PTK2: variants seen among roughly 807,000 people sequenced by gnomAD.
PTK2 encodes focal adhesion kinase 1.
PTK2 carries 45 observed loss-of-function variants against 150.1 expected under a neutral mutation model. The ratio of observed to expected loss-of-function variants is 0.30; its 90% CI spans 0.24 to 0.38. The LOEUF (loss-of-function observed/expected upper bound fraction) is 0.38, where lower values mean the gene tolerates loss of function less well. Ranked by LOEUF, PTK2 falls within the 10% of genes least tolerant of loss-of-function variation. PTK2 has a pLI of 1.00. For synonymous variants in PTK2, 432 were observed against 449.2 expected (o/e 0.96, Z 0.48); for missense variants, 919 against 1,307.3 (o/e 0.70, Z 4.58).
chr8:140,975,684 A>G (rs540388779), intron 1 of PTK2, among the ~76,000 whole-genome samples: 5 of 152,268 alleles, frequency 3.3e-5, no homozygotes, highest in Non-Finnish European at 5.9e-5. Context: ...CGAAGGCTGA[A>G]GTTTCTACTC....
At chr8:140,963,578 C>G (rs940244761) in intron 1 of PTK2, among the ~76,000 whole-genome samples, 14 of 152,170 alleles carry the variant, frequency 9.2e-5, no homozygotes, top group Admixed American at 7.2e-4. Context: ...ATTACAGTGC[C>G]CCCTTCAATT....
At chr8:140,812,448 C>T (rs577449519) in intron 10 of PTK2, among the ~76,000 whole-genome samples, 2 of 152,070 alleles carry the variant, frequency 1.3e-5, no homozygotes, top group South Asian at 4.2e-4. Context: ...CACAAAAACA[C>T]AGACCAGTGA....
intron 7 of PTK2, among the ~76,000 whole-genome samples, chr8:140,835,468 G>A (rs960697051): frequency 6.6e-6 from 1 of 152,136 alleles, no homozygotes; most frequent in Non-Finnish European, 1.5e-5. Context: ...TCAGAATTGA[G>A]TATATTTAAT....
intron 1 of PTK2, among the ~76,000 whole-genome samples, chr8:140,926,507 T>C (rs1472131049): frequency 2.6e-5 from 4 of 152,128 alleles, no homozygotes; most frequent in African/African-American, 9.7e-5. Context: ...GCAAAGAATA[T>C]GGGACAAATA....
intron 29 of PTK2, chr8:140,672,088 T>G: frequency 2.3e-6 from 1 of 437,266 alleles, no homozygotes; most frequent in African/African-American, 2.0e-5. Context: ...AATTCTAAGG[T>G]GGTACCGATC....
At chr8:140,984,843 G>A (rs932153771) in intron 1 of PTK2, among the ~76,000 whole-genome samples, 3 of 151,950 alleles carry the variant, frequency 2.0e-5, no homozygotes, top group African/African-American at 7.3e-5. Flanking sequence ...AGACAATAAG[G>A]GAATGACTCC....
At chr8:140,815,119 G>A (rs2100103936) in intron 10 of PTK2, among the ~76,000 whole-genome samples, 1 of 151,822 alleles carries the variant, frequency 6.6e-6, no homozygotes, top group African/African-American at 2.4e-5. Flanking sequence ...GTCTAATGCA[G>A]CACTATTCAC....
intron 25 of PTK2, among the ~76,000 whole-genome samples, chr8:140,702,305 G>A (rs962371674): frequency 2.0e-5 from 3 of 146,632 alleles, no homozygotes; most frequent in Non-Finnish European, 4.5e-5. Context: ...CTGCAGTCTC[G>A]ACTTCCTAGG....
At chr8:140,975,173 ACAG>A (rs1325634780) in intron 1 of PTK2, among the ~76,000 whole-genome samples, 1 of 152,200 alleles carries the variant, frequency 6.6e-6, no homozygotes, top group East Asian at 1.9e-4. Context: ...TTACTAAATA[ACAG>A]CAGGTGAGCC....
At chr8:140,761,396 A>C (rs1363149714) in intron 15 of PTK2, 134 bp from the exon 19 acceptor site, 1 of 766,886 alleles carries the variant, frequency 1.3e-6, no homozygotes, top group Non-Finnish European at 2.3e-6. Flanking sequence ...TGCTTTAAAC[A>C]CAGTGGAATT....
intron 7 of PTK2, among the ~76,000 whole-genome samples, chr8:140,836,474 T>C (rs1354938942): frequency 6.6e-6 from 1 of 152,212 alleles, no homozygotes; most frequent in African/African-American, 2.4e-5. Context: ...GTAGCCCCAA[T>C]GACTGAGAAA....
intron 28 of PTK2, among the ~76,000 whole-genome samples, chr8:140,674,859 C>T (rs1443358888): frequency 6.7e-6 from 1 of 148,426 alleles, no homozygotes; most frequent in Admixed American, 6.8e-5. Context: ...CCAGCCTGGG[C>T]AACACGATGA....
chr8:140,871,551 T>C (rs1439589284), intron 4 of PTK2, among the ~76,000 whole-genome samples: 1 of 152,216 alleles, frequency 6.6e-6, no homozygotes, highest in Non-Finnish European at 1.5e-5. Context: ...GTAATCTCAG[T>C]ACTTTAGGAG....
At chr8:140,998,427 C>G (rs990920292) in intron 1 of PTK2, among the ~76,000 whole-genome samples, 3 of 152,020 alleles carry the variant, frequency 2.0e-5, no homozygotes, top group Non-Finnish European at 4.4e-5. Flanking sequence ...CAGGAAAGGA[C>G]AGTTTTCAAA....
chr8:140,744,602 G>T, intron 19 of PTK2, 50 bp downstream of exon 22: 1 of 1,246,558 alleles, frequency 8.0e-7, no homozygotes, highest in Non-Finnish European at 1.1e-6. Context: ...CCTGTTTCTT[G>T]ATCACTACTT....
intron 14 of PTK2, among the ~76,000 whole-genome samples, chr8:140,765,928 C>G (rs562953818): frequency 1.3e-5 from 2 of 152,178 alleles, no homozygotes; most frequent in South Asian, 2.1e-4. Flanking sequence ...TAGTTTAACA[C>G]GCTCAACTTT....
At chr8:140,792,199 A>C (rs1377705074) in intron 13 of PTK2, among the ~76,000 whole-genome samples, 1 of 152,212 alleles carries the variant, frequency 6.6e-6, no homozygotes, top group Non-Finnish European at 1.5e-5. Flanking sequence ...CTATGCCTAA[A>C]ATGTTTGTAC....
chr8:140,689,372 A>G (rs2100021807), intron 26 of PTK2, among the ~76,000 whole-genome samples: 1 of 152,250 alleles, frequency 6.6e-6, no homozygotes. Context: ...TACTCAATGT[A>G]AATATCAAGG....
At chr8:140,955,643 G>A (rs1408654818) in intron 1 of PTK2, among the ~76,000 whole-genome samples, 1 of 152,088 alleles carries the variant, frequency 6.6e-6, no homozygotes, top group South Asian at 2.1e-4. Context: ...GATAGAAACC[G>A]AACAAACAGG....
Sources: allele counts gnomAD v4.1 joint callset (sites outside exome capture counted in the v4.1 genomes callset), GRCh38; gene constraint gnomAD v4.1.1; transcripts MANE v1.5; gene names NCBI Gene and HGNC (gene_info 2026-07-23, HGNC 2026-07-21).